ZNF808: variants seen among roughly 807,000 people sequenced by gnomAD.
ZNF808 encodes the protein zinc finger protein 808.
In ZNF808, 5 loss-of-function variants were observed where a neutral mutation model predicts 8.7. The observed-to-expected ratio is 0.58, with a 90% CI of 0.30 to 1.21. ZNF808 has a LOEUF of 1.21. ZNF808 is among the 50% of genes most tolerant of loss of function. The probability of loss-of-function intolerance (pLI) is 0.07; values close to 1 mark genes in which losing one functional copy is unlikely to be tolerated. For synonymous variants in ZNF808, 380 were observed against 366.0 expected (o/e 1.04, Z -0.44); for missense variants, 1,103 against 1,098.4 (o/e 1.00, Z -0.06).
Position 52,555,146 on chromosome 19 carries a change from T to A in ZNF808, c.2230T>A (p.Phe744Ile). 1 of 1,613,606 alleles carries A rather than the reference T, an allele frequency of 6.2e-7. No individual in the cohort carries two copies. The highest frequency in any genetic ancestry group is 8.5e-7 in the Non-Finnish European group (1 of 1,179,576). Reference protein sequence around the residue: ...PYKCSECSKTFSQKATLLCHR... With the variant: ...PYKCSECSKTISQKATLLCHR... ...CAAGTGTAGTGAGTGCAGCAAGACG[T>A]TCAGTCAGAAGGCAACCCTTCTATG... Residue 744 changes from phenylalanine to isoleucine, a missense_variant, in exon 5 of 5, where the codon TTC (phenylalanine) becomes ATC (isoleucine). By Grantham distance (21) the Phe-to-Ile change is conservative. Transcript: ENST00000359798.
chr19:52,552,998 TG>T (rs1802068827), intron 4 of ZNF808, 108 bp from the exon 5 acceptor site: 1 of 1,398,212 alleles, frequency 7.2e-7, no homozygotes, highest in African/African-American at 1.5e-5. Context: ...TTGAATATCA[TG>T]TTTGGGAATT....
chr19:52,553,196 C>G lies in ZNF808; in HGVS notation c.280C>G (p.Gln94Glu). The G allele has an allele frequency of 6.2e-7, 1 of 1,613,716 alleles. No individual in the cohort carries two copies. ...VIHTGTLQRHQSYHIGDFCFQ... is the reference protein window; with the variant it reads ...VIHTGTLQRHESYHIGDFCFQ... ...CCACACAGGGACATTGCAAAGACAT[C>G]AAAGTTATCACATTGGAGACTTTTG... is the stretch of plus-strand genomic sequence containing the variant. Residue 94 changes from glutamine to glutamate, a missense_variant, in exon 5 of 5, where the codon CAA becomes GAA. Coordinates refer to ENST00000359798, the MANE Select transcript of ZNF808 (RefSeq NM_001039886.4).
downstream of ZNF808, among the ~76,000 whole-genome samples, chr19:52,565,830 T>C (rs1039176226): frequency 2.0e-5 from 3 of 152,188 alleles, no homozygotes; most frequent in Non-Finnish European, 4.4e-5. Flanking sequence ...CTTATATGTA[T>C]TGATTGATGT....
downstream of ZNF808, among the ~76,000 whole-genome samples, chr19:52,567,627 C>T (rs951500781): frequency 1.3e-5 from 2 of 151,224 alleles, no homozygotes; most frequent in Admixed American, 6.6e-5. Flanking sequence ...TGGGCTCAAG[C>T]GATTCTCCTG....
chr19:52,557,419 A>G (rs1035616830), downstream of ZNF808, among the ~76,000 whole-genome samples: 4 of 151,514 alleles, frequency 2.6e-5, no homozygotes, highest in Admixed American at 2.0e-4. Context: ...GGTGCCCTCC[A>G]CCACTCCCGG....
At chr19:52,561,414 TG>T (rs1417204085) in intron 3 of ZNF808, among the ~76,000 whole-genome samples, 1 of 152,012 alleles carries the variant, frequency 6.6e-6, no homozygotes, top group Non-Finnish European at 1.5e-5. Context: ...CAGACTACTG[TG>T]CTTAAAAACA....
intron 3 of ZNF808, among the ~76,000 whole-genome samples, chr19:52,544,440 T>A (rs1400414774): frequency 6.6e-6 from 1 of 151,988 alleles, no homozygotes; most frequent in East Asian, 1.9e-4. Flanking sequence ...AAGCAATTCT[T>A]CTGCCTCAGC....
downstream of ZNF808, among the ~76,000 whole-genome samples, chr19:52,566,229 G>A (rs1389806139): frequency 3.3e-5 from 5 of 151,972 alleles, no homozygotes; most frequent in Admixed American, 2.0e-4. Flanking sequence ...GCAATGGTGC[G>A]ATCTCGGATC....
chr19:52,562,269 A>G (rs548812020), intron 3 of ZNF808, among the ~76,000 whole-genome samples: 1 of 152,218 alleles, frequency 6.6e-6, no homozygotes, highest in Non-Finnish European at 1.5e-5. Flanking sequence ...TCTCAGCTGC[A>G]TGGGAGGCTG....
At chr19:52,545,434 G>A (rs1326912163) in intron 3 of ZNF808, among the ~76,000 whole-genome samples, 1 of 152,144 alleles carries the variant, frequency 6.6e-6, no homozygotes, top group African/African-American at 2.4e-5. Context: ...TATAATAATT[G>A]TAATGATTTT....
In ZNF808 at chr19:52,555,582, C is replaced by A. The variant is rs2059828765; in HGVS notation, c.2666C>A (p.Thr889Lys). The A allele has an allele frequency of 1.2e-6, 2 of 1,610,918 alleles. No individual in the cohort carries two copies. Among genetic ancestry groups the A allele is most frequent in the Non-Finnish European group, 1.7e-6 (2 of 1,178,682 alleles). Residue 889 changes from threonine to lysine, a missense_variant, in exon 5 of 5, where the codon ACA (threonine) becomes AAA (lysine). By Grantham distance (78) the Thr-to-Lys change is moderately conservative (BLOSUM62 -1). Coordinates refer to ENST00000359798, the MANE Select transcript of ZNF808 (RefSeq NM_001039886.4). Reference protein sequence around the residue: ...ECGKAFSDRSTLIHHQAIHGI... With the variant: ...ECGKAFSDRSKLIHHQAIHGI... ...GGCAAAGCCTTTAGTGACCGGTCAACACTTATTCACCATCAGGCAATTCAT... is the reference window on the plus strand; with the variant it reads ...GGCAAAGCCTTTAGTGACCGGTCAAAACTTATTCACCATCAGGCAATTCAT...
intron 2 of ZNF808, among the ~76,000 whole-genome samples, chr19:52,533,547 C>T (rs1295961121): frequency 6.7e-6 from 1 of 150,216 alleles, no homozygotes; most frequent in East Asian, 2.1e-4. Context: ...TTCTGAAGAA[C>T]TTGGGAGCTC....
chr19:52,563,896 T>C (rs961459527), exon 4 of ZNF808: 15 of 276,176 alleles, frequency 5.4e-5, no homozygotes, highest in African/African-American at 2.8e-4. Flanking sequence ...CTCAAGAGGC[T>C]GAGGCAGAAG....
chr19:52,562,332 C>G (rs1189917609), intron 3 of ZNF808, among the ~76,000 whole-genome samples: 1 of 152,038 alleles, frequency 6.6e-6, no homozygotes, highest in Non-Finnish European at 1.5e-5. Context: ...GAGCCAAGAT[C>G]ATGCCATTGC....
At chr19:52,538,353 GT>G in intron 2 of ZNF808, among the ~76,000 whole-genome samples, 1 of 146,922 alleles carries the variant, frequency 6.8e-6, no homozygotes, top group East Asian at 1.9e-4. Context: ...ATTATTATTA[GT>G]TTTTTGAGGT....
chr19:52,554,838 A>G lies in ZNF808; in HGVS notation c.1922A>G (p.His641Arg), dbSNP rs372178797. The change falls in exon 5 of 5, where the codon CAT becomes CGT. Residue 641 changes from histidine (H) to arginine (R), a missense_variant. By Grantham distance (29) the His-to-Arg change is conservative (BLOSUM62 0). Transcript: ENST00000359798. Reference protein sequence around the residue: ...AFTWNSQLARHTRIHTGEKTY... With the variant: ...AFTWNSQLARRTRIHTGEKTY... The stretch of plus-strand genomic sequence containing the variant: ...ACGTGGAATTCACAGCTGGCACGAC[A>G]TACAAGAATTCACACTGGAGAAAAA... The G allele has an allele frequency of 5.6e-6, 9 of 1,614,070 alleles. No homozygotes were observed. Among genetic ancestry groups the G allele is most frequent in the Non-Finnish European group, 7.6e-6 (9 of 1,180,028 alleles).
At chr19:52,546,317 A>G (rs1241779089) in intron 3 of ZNF808, among the ~76,000 whole-genome samples, 1 of 151,470 alleles carries the variant, frequency 6.6e-6, no homozygotes, top group East Asian at 1.9e-4. Flanking sequence ...CCTCCCAAGT[A>G]TCAGGGATTA....
At chr19:52,568,175 C>T (rs984153581), downstream of ZNF808, among the ~76,000 whole-genome samples, 1 of 152,144 alleles carries the variant, frequency 6.6e-6, no homozygotes, top group African/African-American at 2.4e-5. Context: ...AATTAGAAAC[C>T]AGCCTGGCCA....
downstream of ZNF808, among the ~76,000 whole-genome samples, chr19:52,558,381 A>G (rs1341610161): frequency 9.1e-6 from 1 of 110,380 alleles, no homozygotes; most frequent in African/African-American, 3.5e-5. Flanking sequence ...TGTTTTATTT[A>G]TTTTTTTTGA....
Sources: gnomAD v4.1 joint callset for allele counts (sites outside exome capture counted in the v4.1 genomes callset) on GRCh38, gnomAD v4.1.1 for gene constraint, MANE v1.5 for transcripts, NCBI Gene and HGNC (gene_info 2026-07-23, HGNC 2026-07-21) for gene names.